The following INTS1 variants were observed in gnomAD, a reference collection of about 807,000 sequenced individuals.
INTS1 encodes integrator complex subunit 1.
A neutral mutation model predicts 241.6 loss-of-function variants in INTS1; 137 were observed. That is an observed-to-expected ratio of 0.57 (90% confidence interval 0.49 to 0.65). The LOEUF is 0.65. Ranked by LOEUF, INTS1 falls within the 30% of genes least tolerant of loss-of-function variation. The probability of loss-of-function intolerance (pLI) is 0.00; values close to 1 mark genes in which losing one functional copy is unlikely to be tolerated. For synonymous variants in INTS1, 1,692 were observed against 1,337.8 expected, an observed-to-expected ratio of 1.26 and a Z score of -5.78; for missense variants, 3,073 against 3,032.2, an observed-to-expected ratio of 1.01 and a Z score of -0.32.
At chr7:1,474,439 T>G in intron 40 of INTS1, 79 bp from the exon 41 acceptor site, 1 of 1,425,634 alleles carries the variant, frequency 7.0e-7, no homozygotes, top group Non-Finnish European at 9.3e-7. Flanking sequence ...CCCCACTGCC[T>G]GCCCCGGGAG....
At position 1,480,871 on chromosome 7, in the gene INTS1, G is replaced by A; in HGVS notation, c.3913C>T (p.His1305Tyr). 1 of 1,555,792 alleles carries A rather than the reference G, an allele frequency of 6.4e-7. No homozygotes were observed. The highest frequency in any genetic ancestry group is 8.7e-7 in the Non-Finnish European group (1 of 1,150,630). ...GGCAGGGAGGCTGTGAGCAAGGAGT[G>A]GAAAGTCTGGCCTCCGGAGGCGCCG... ...ERGASGGQTF[H>Y]SLLTASLPPR... Residue 1305 changes from histidine (H) to tyrosine (Y), a missense_variant, in exon 29 of 48, where the codon CAC becomes TAC. Coordinates refer to ENST00000404767, the MANE Select transcript of INTS1 (RefSeq NM_001080453.3).
At chr7:1,498,930 G>GGCCCCCCCCCCCCCCC in intron 8 of INTS1, 45 bp downstream of exon 8, 2 of 1,460,182 alleles carry the variant, frequency 1.4e-6, no homozygotes, top group Non-Finnish European at 1.9e-6. Flanking sequence ...CACAGAGCCT[G>GGCCCCCCCCCCCCCCC]CCCCCACCCC....
chr7:1,475,939 C>A lies in INTS1; in HGVS notation c.5502+9G>T, dbSNP rs544837623. The stretch of plus-strand genomic sequence containing the variant: ...ACGGCGGCGGGGAGCGGCAGAGTTG[C>A]GCCCTCACCTTGCAGACGCTGCTGC... On this transcript the variant is annotated intron_variant, in intron 39 of 47. Coordinates refer to ENST00000404767, the MANE Select transcript of INTS1 (RefSeq NM_001080453.3). 6.5e-7 allele frequency: 1 copy of A among 1,535,376 alleles called. No homozygotes were observed. The highest frequency in any genetic ancestry group is 2.5e-5 in the East Asian group (1 of 40,708).
chr7:1,503,307 G>C, intron 2 of INTS1, 116 bp from the exon 3 acceptor site: 1 of 1,110,096 alleles, frequency 9.0e-7, no homozygotes, highest in Non-Finnish European at 1.3e-6. Context: ...AGGAGGCAAG[G>C]AAGAAGCCAG....
chr7:1,502,830 G>A lies in INTS1; in HGVS notation c.349+71C>T, dbSNP rs10249050. 2.3e-3 allele frequency: 3,523 copies of A among 1,541,366 alleles called. 82 individuals are homozygous for A. The African/African-American group carries it at 0.043, about 19-fold the overall frequency. The stretch of plus-strand genomic sequence containing the variant: ...ACGGGCAGCACTAGGCCTGGAGGGG[G>A]CCTTCCCTGAACACCTGATGGACGG... On this transcript the variant is annotated intron_variant, in intron 3 of 47. Coordinates refer to ENST00000404767, the MANE Select transcript of INTS1 (RefSeq NM_001080453.3).
chr7:1,479,909 G>A lies in INTS1; in HGVS notation c.4075-225C>T, dbSNP rs192481469. On this transcript the variant is annotated intron_variant, in intron 30 of 47. Transcript: ENST00000404767. The stretch of plus-strand genomic sequence containing the variant: ...CCAGGAGCTGCCCCAGAGAACAAAG[G>A]TGTCCAGAGCCTGCCCAGGGACCAC... Among the ~76,000 whole-genome samples the A allele has an allele frequency of 1.2e-4, 18 of 152,310 alleles. No homozygotes were observed. The East Asian group carries it at 2.9e-3, about 25-fold the overall frequency.
At chr7:1,495,412 T>C (rs919004528) in intron 13 of INTS1, 21 bp downstream of exon 13, 1 of 1,600,452 alleles carries the variant, frequency 6.2e-7, no homozygotes, top group Non-Finnish European at 8.5e-7. Context: ...GGACAGGGGC[T>C]GTACAGGGCC....
At chr7:1,496,062 G>A (rs964099045) in intron 12 of INTS1, 94 bp downstream of exon 12, 9 of 914,338 alleles carry the variant, frequency 9.8e-6, no homozygotes, top group African/African-American at 8.2e-5. Flanking sequence ...CCTGCCGGGC[G>A]CTCAGGGGAC....
At chr7:1,500,146 T>A (rs779338063) in intron 4 of INTS1, 24 bp downstream of exon 4, 1 of 1,580,902 alleles carries the variant, frequency 6.3e-7, no homozygotes, top group South Asian at 1.1e-5. Context: ...GCTGCTCGCC[T>A]CCTGCCAGGG....
chr7:1,470,615 C>T lies in INTS1; in HGVS notation c.6535G>A (p.Glu2179Lys), dbSNP rs868118664. The T allele has an allele frequency of 3.8e-6, 6 of 1,585,108 alleles. No homozygotes were observed. The highest frequency in any genetic ancestry group is 1.3e-5 in the African/African-American group (1 of 74,374). ...GQMDPSAQIS[E>K]ALRILHMEAV... Reference sequence around the variant, plus strand: ...TCCATATGCAGGATCCTCAGGGCCTCGGAGATCTGCGCGCTGGGGTCCATC... The same window carrying T: ...TCCATATGCAGGATCCTCAGGGCCTTGGAGATCTGCGCGCTGGGGTCCATC... The change falls in exon 48 of 48, where the codon GAG (glutamate) becomes AAG (lysine). Residue 2179 changes from glutamate to lysine, a missense_variant. Coordinates refer to ENST00000404767, the MANE Select transcript of INTS1 (RefSeq NM_001080453.3).
At chr7:1,504,068 T>C (rs1464286596) in intron 1 of INTS1, 67 bp from the exon 2 acceptor site, 2 of 843,496 alleles carry the variant, frequency 2.4e-6, no homozygotes, top group Non-Finnish European at 1.8e-6. Flanking sequence ...ATTCGCTCCC[T>C]TGCCGCACGG....
intron 3 of INTS1, 46 bp downstream of exon 3, chr7:1,502,855 G>T: frequency 6.2e-7 from 1 of 1,601,410 alleles, no homozygotes; most frequent in South Asian, 1.1e-5. Context: ...CTGATGGACG[G>T]CATGAGCTGA....
chr7:1,499,292 T>C lies in INTS1; in HGVS notation c.913A>G (p.Lys305Glu). The change falls in exon 7 of 48, where the codon AAG (lysine) becomes GAG (glutamate). Residue 305 changes from lysine to glutamate, a missense_variant. Transcript: ENST00000404767. ...TGGCCCTCCTGCTCGGGGCTCAGCT[T>C]CTCCTCCGCGATCAGCAACTCCGTC... ...SQTELLIAEE[K>E]LSPEQEGQLM... 1.9e-6 allele frequency: 3 copies of C among 1,609,056 alleles called. No homozygotes were observed. The highest frequency in any genetic ancestry group is 1.7e-5 in the Admixed American group (1 of 59,730).
At chr7:1,490,314 C>T (rs771468823) in intron 16 of INTS1, among the ~76,000 whole-genome samples, 11 of 152,154 alleles carry the variant, frequency 7.2e-5, no homozygotes, top group East Asian at 1.9e-4. Context: ...CATAAAGGGA[C>T]GCCCCTGAAA....
At chr7:1,474,398 C>T (rs771149488) in intron 40 of INTS1, 38 bp from the exon 41 acceptor site, 8 of 1,540,248 alleles carry the variant, frequency 5.2e-6, no homozygotes, top group East Asian at 2.3e-5. Flanking sequence ...CCCCGGCCGG[C>T]GGGCTCACCT....
rs1186249306 is a variant in INTS1, at chr7:1,484,171, C to T, written c.3262-1G>A. 2 of 1,607,152 alleles carry T rather than the reference C, an allele frequency of 1.2e-6. No homozygotes were observed. The highest frequency in any genetic ancestry group is 1.7e-6 in the Non-Finnish European group (2 of 1,177,010). ...GCTCCACGACCAGCCGGGCCACGTC[C>T]TGGTGTGTGGACAGGGGGGCGTCAG... On this transcript the variant is annotated splice_acceptor_variant, in intron 24 of 47. Coordinates refer to ENST00000404767, the MANE Select transcript of INTS1 (RefSeq NM_001080453.3). LOFTEE classifies it high-confidence loss of function.
Position 1,481,279 on chromosome 7 carries a change from C to T in INTS1, c.3850+63G>A, listed in dbSNP as rs138410145. ...CCCGCTCGCACCCAGGCCCCAAAAG[C>T]CTGGCCGGGCTGGGGCTCGGTCAGC... On this transcript the variant is annotated intron_variant, in intron 28 of 47. Transcript: ENST00000404767. This position sits in a 1 kb window ranked among gnomAD's most constrained non-coding sequence, Gnocchi z 6.8. 4.0e-3 allele frequency: 6,324 copies of T among 1,597,692 alleles called. 44 individuals carry two copies. The highest frequency in any genetic ancestry group is 0.019 in the South Asian group (1,696 of 90,192).
chr7:1,485,219 T>C lies in INTS1; in HGVS notation c.3157-17A>G, dbSNP rs748152792. 1 of 1,599,346 alleles carries C rather than the reference T, an allele frequency of 6.3e-7. No individual in the cohort carries two copies. The highest frequency in any genetic ancestry group is 1.7e-5 in the Admixed American group (1 of 59,892). On this transcript the variant is annotated splice_polypyrimidine_tract_variant and intron_variant, in intron 23 of 47. Transcript: ENST00000404767. ...GTGGATTGCCTGGAGGGGAGGGTGGTCTGAGCGGCAACAGGGCAGGGCTGC... is the reference window on the plus strand; with the variant it reads ...GTGGATTGCCTGGAGGGGAGGGTGGCCTGAGCGGCAACAGGGCAGGGCTGC...
intron 38 of INTS1, 53 bp downstream of exon 38, chr7:1,476,176 C>G (rs948554538): frequency 8.5e-5 from 130 of 1,529,296 alleles, no homozygotes; most frequent in Non-Finnish European, 1.1e-4. Context: ...TGGGCCTCGA[C>G]CCCCTCCATG....
Sources: allele counts gnomAD v4.1 joint callset (sites outside exome capture counted in the v4.1 genomes callset), GRCh38; gene constraint gnomAD v4.1.1; non-coding constraint Gnocchi (gnomAD v3.1); transcripts MANE v1.5; gene names NCBI Gene and HGNC (gene_info 2026-07-23, HGNC 2026-07-21).